Variants in HS6ST3 observed in about 807,000 individuals in gnomAD.
HS6ST3 encodes the protein heparan-sulfate 6-O-sulfotransferase 3.
A neutral mutation model predicts 36.7 loss-of-function variants in HS6ST3; 12 were observed. That is an observed-to-expected ratio of 0.33 (90% CI 0.21 to 0.53). HS6ST3 has a LOEUF of 0.53. HS6ST3 is among the 20% of genes least tolerant of loss of function. The pLI is 0.95. For missense variants in HS6ST3, 584 were observed against 640.9 expected (o/e 0.91, Z 0.96); for synonymous variants, 240 against 257.5 (o/e 0.93, Z 0.65).
intron 1 of HS6ST3, among the ~76,000 whole-genome samples, chr13:96,656,994 T>A (rs1278604723): frequency 9.8e-4 from 133 of 135,462 alleles, no homozygotes; most frequent in Middle Eastern, 3.6e-3. Flanking sequence ...TGTGTGTGTG[T>A]GTGTGAGAGA....
chr13:96,792,960 C>T (rs749520691), intron 1 of HS6ST3, among the ~76,000 whole-genome samples: 39 of 152,140 alleles, frequency 2.6e-4, no homozygotes, highest in Non-Finnish European at 4.4e-4. Context: ...CCTTCCCTCT[C>T]GGCACCACGC....
At chr13:96,315,842 ATG>A (rs2139411575) in intron 1 of HS6ST3, among the ~76,000 whole-genome samples, 1 of 152,204 alleles carries the variant, frequency 6.6e-6, no homozygotes, top group South Asian at 2.1e-4. Flanking sequence ...CCCAAGGGAG[ATG>A]TGACTTTTTC....
At chr13:96,454,769 G>A (rs1363372251) in intron 1 of HS6ST3, among the ~76,000 whole-genome samples, 1 of 151,712 alleles carries the variant, frequency 6.6e-6, no homozygotes, top group African/African-American at 2.4e-5. Flanking sequence ...AGGAATAGGA[G>A]CACTGACATT....
intron 1 of HS6ST3, among the ~76,000 whole-genome samples, chr13:96,693,667 T>C (rs189174347): frequency 1.3e-5 from 2 of 152,312 alleles, no homozygotes; most frequent in Admixed American, 1.3e-4. Context: ...CTATTTATTC[T>C]CATGGTAAAA....
intron 1 of HS6ST3, among the ~76,000 whole-genome samples, chr13:96,242,056 AT>A (rs2054563202): frequency 6.6e-6 from 1 of 151,914 alleles, no homozygotes; most frequent in African/African-American, 2.4e-5. Context: ...AAGTGCTGAG[AT>A]TACAGGCGTG....
rs1878541178 is a variant in HS6ST3 at position 96,821,856 on chromosome 13, AT to A, written c.708-10632del. Among the ~76,000 whole-genome samples the A allele has an allele frequency of 1.3e-5, 2 of 152,250 alleles. 1 individual carries two copies. Among genetic ancestry groups the A allele is most frequent in the South Asian group, 4.1e-4 (2 of 4,826 alleles). On this transcript the variant is annotated intron_variant, in intron 1 of 1. Transcript: ENST00000376705. ...GAATGGCAAAACCTAGACAGAGGGG[AT>A]TAAAAAAATATATATTCTTGTGATG...
chr13:96,626,404 A>G (rs1050263328), intron 1 of HS6ST3, among the ~76,000 whole-genome samples: 3 of 152,028 alleles, frequency 2.0e-5, no homozygotes, highest in Non-Finnish European at 4.4e-5. Flanking sequence ...TTTGCAACCA[A>G]CTCTGTCAAT....
intron 1 of HS6ST3, among the ~76,000 whole-genome samples, chr13:96,180,638 C>T (rs2054235447): frequency 1.3e-5 from 2 of 152,100 alleles, no homozygotes; most frequent in African/African-American, 4.8e-5. Context: ...TGATTGAGTA[C>T]TTATATGTAC....
chr13:96,527,835 T>G (rs1273104167), intron 1 of HS6ST3, among the ~76,000 whole-genome samples: 1 of 152,006 alleles, frequency 6.6e-6, no homozygotes, highest in Non-Finnish European at 1.5e-5. Context: ...TCTCAAAGTA[T>G]AACTCACAGA....
intron 1 of HS6ST3, among the ~76,000 whole-genome samples, chr13:96,390,663 C>T (rs2055390937): frequency 6.6e-6 from 1 of 152,228 alleles, no homozygotes; most frequent in African/African-American, 2.4e-5. Context: ...TCTTCCCCTT[C>T]TCTTGTCTAC....
At chr13:96,251,980 C>T (rs562672179) in intron 1 of HS6ST3, among the ~76,000 whole-genome samples, 1 of 151,984 alleles carries the variant, frequency 6.6e-6, no homozygotes, top group African/African-American at 2.4e-5. Context: ...ATAATCTATC[C>T]CAGGGAATGT....
intron 1 of HS6ST3, among the ~76,000 whole-genome samples, chr13:96,212,576 A>T (rs145723714): frequency 6.6e-6 from 1 of 152,242 alleles, no homozygotes; most frequent in Non-Finnish European, 1.5e-5. Flanking sequence ...ACCTTGGCTC[A>T]TGCCTGTAAT....
chr13:96,304,602 G>C (rs2139405508), intron 1 of HS6ST3, among the ~76,000 whole-genome samples: 1 of 151,836 alleles, frequency 6.6e-6, no homozygotes, highest in East Asian at 1.9e-4. Flanking sequence ...CCGATTGCCT[G>C]AGGAAGAAGA....
At chr13:96,672,168 G>A (rs982975951) in intron 1 of HS6ST3, among the ~76,000 whole-genome samples, 1 of 152,036 alleles carries the variant, frequency 6.6e-6, no homozygotes, top group South Asian at 2.1e-4. Flanking sequence ...GCTCTCTTGT[G>A]TCTTCTTATA....
At chr13:96,154,840 G>T (rs926944580) in intron 1 of HS6ST3, among the ~76,000 whole-genome samples, 19 of 152,142 alleles carry the variant, frequency 1.2e-4, no homozygotes, top group African/African-American at 4.3e-4. Context: ...AGTGAAATTG[G>T]TGCAATACTT....
chr13:96,688,242 T>A (rs1426158709), intron 1 of HS6ST3, among the ~76,000 whole-genome samples: 2 of 129,160 alleles, frequency 1.5e-5, no homozygotes, highest in South Asian at 2.6e-4. Flanking sequence ...ATCATCATAA[T>A]AAAAAGACTC....
intron 1 of HS6ST3, among the ~76,000 whole-genome samples, chr13:96,450,121 C>T (rs891449821): frequency 6.6e-6 from 1 of 152,188 alleles, no homozygotes; most frequent in Non-Finnish European, 1.5e-5. Flanking sequence ...CTTCTGACCT[C>T]AAACAAATGT....
intron 1 of HS6ST3, among the ~76,000 whole-genome samples, chr13:96,588,782 G>T (rs1260049960): frequency 1.3e-5 from 2 of 152,026 alleles, no homozygotes; most frequent in East Asian, 3.9e-4. Flanking sequence ...AGGCATGGTG[G>T]CTCATGCCTG....
chr13:96,383,049 A>C (rs2055349159), intron 1 of HS6ST3, among the ~76,000 whole-genome samples: 1 of 152,224 alleles, frequency 6.6e-6, no homozygotes, highest in South Asian at 2.1e-4. Context: ...TTACCTCCAC[A>C]CTGTGGTATA....
Sources: gnomAD v4.1 joint callset for allele counts (sites outside exome capture counted in the v4.1 genomes callset) on GRCh38, gnomAD v4.1.1 for gene constraint, MANE v1.5 for transcripts, NCBI Gene and HGNC (gene_info 2026-07-23, HGNC 2026-07-21) for gene names.